The following DNAAF1 variants were observed in gnomAD, a reference collection of about 807,000 sequenced individuals.
DNAAF1 encodes the protein dynein assembly factor 1, axonemal.
A neutral mutation model predicts 71.1 loss-of-function variants in DNAAF1; 65 were observed. That is an observed-to-expected ratio of 0.91 (90% confidence interval 0.75 to 1.12). The LOEUF is 1.12. DNAAF1 is among the 50% of genes most tolerant of loss of function. DNAAF1 has a pLI of 0.00. For missense variants in DNAAF1, 1,178 were observed against 899.8 expected (o/e 1.31, Z -3.96); for synonymous variants, 414 against 354.6 (o/e 1.17, Z -1.88).
rs764624773 is a variant in DNAAF1, at chr16:84,177,829, G to A, written c.2166G>A (p.Pro722=). The A allele has an allele frequency of 2.2e-5, 35 of 1,613,480 alleles. No individual in the cohort carries two copies. In the African/African-American group the frequency reaches 2.5e-4, roughly 12 times the overall value. ...GGGACCTCACTGCATTCCCAGCACC[G>A]AAAGCATCATAGTTTTCCCCAGTTA... ...PTWDLTAFPA[P]KAS is the part of the protein sequence containing the mutation. Residue 722 remains proline (P), a synonymous_variant, in exon 12 of 12, where the codon CCG becomes CCA. Coordinates refer to ENST00000378553, the MANE Select transcript of DNAAF1 (RefSeq NM_178452.6).
intron 1 of DNAAF1, among the ~76,000 whole-genome samples, chr16:84,146,376 G>A (rs1354701285): frequency 1.3e-5 from 2 of 152,142 alleles, no homozygotes; most frequent in African/African-American, 2.4e-5. Flanking sequence ...TGGTTCTGGG[G>A]TCAGTGTGTG....
intron 4 of DNAAF1, among the ~76,000 whole-genome samples, chr16:84,155,195 A>G (rs530468591): frequency 1.3e-5 from 2 of 152,052 alleles, no homozygotes; most frequent in Non-Finnish European, 2.9e-5. Flanking sequence ...GGCGTGAGCC[A>G]CCATGCCCAG....
chr16:84,170,456 C>T (rs1356211357), intron 8 of DNAAF1, 100 bp downstream of exon 8: 6 of 1,559,020 alleles, frequency 3.8e-6, no homozygotes, highest in Non-Finnish European at 4.4e-6. Context: ...AGTTTCACTT[C>T]TTCTGTATTG....
At chr16:84,156,222 C>G (rs1057477045) in intron 5 of DNAAF1, among the ~76,000 whole-genome samples, 8 of 152,214 alleles carry the variant, frequency 5.3e-5, no homozygotes, top group African/African-American at 1.9e-4. Context: ...CTCAACCTCC[C>G]AAAGTGCTGG....
intron 7 of DNAAF1, among the ~76,000 whole-genome samples, chr16:84,167,014 A>C (rs1019744700): frequency 6.6e-6 from 1 of 152,022 alleles, no homozygotes; most frequent in Non-Finnish European, 1.5e-5. Context: ...GTGATGGGCA[A>C]TGGTCTCGCA....
At chr16:84,166,370 C>CTTTTT (rs535417461) in intron 7 of DNAAF1, among the ~76,000 whole-genome samples, 94 of 118,752 alleles carry the variant, frequency 7.9e-4, no homozygotes, top group Non-Finnish European at 9.1e-4. Context: ...TTCTTTTTTT[C>CTTTTT]TTTTTTTTTT....
At chr16:84,164,355 C>G (rs150134444) in intron 6 of DNAAF1, among the ~76,000 whole-genome samples, 31 of 152,300 alleles carry the variant, frequency 2.0e-4, no homozygotes, top group African/African-American at 7.5e-4. Context: ...CCTGTATCCC[C>G]CATCACAGTA....
At chr16:84,176,340 G>C (rs910159984) in intron 11 of DNAAF1, 41 bp downstream of exon 11, 4 of 1,611,860 alleles carry the variant, frequency 2.5e-6, no homozygotes, top group South Asian at 1.1e-5. Flanking sequence ...GACAATGTTG[G>C]CTCCCCGGCC....
rs4150187 is a variant in DNAAF1, at chr16:84,177,797, C to G, written c.2134C>G (p.Pro712Ala). 2,189 of 1,614,022 alleles carry G rather than the reference C, an allele frequency of 1.4e-3. 25 individuals are homozygous for G. The African/African-American group carries it at 0.021, about 16-fold the overall frequency. Residue 712 changes from proline to alanine, a missense_variant, in exon 12 of 12, where the codon CCC (proline) becomes GCC (alanine). Pro to Ala is a conservative substitution (Grantham distance 27). Coordinates refer to ENST00000378553, the MANE Select transcript of DNAAF1 (RefSeq NM_178452.6). ...VGVAQPSQAL[P>A]TWDLTAFPAP... Reference sequence around the variant, plus strand: ...AGTTGCCCAGCCCAGCCAAGCTCTGCCCACGTGGGACCTCACTGCATTCCC... The same window carrying G: ...AGTTGCCCAGCCCAGCCAAGCTCTGGCCACGTGGGACCTCACTGCATTCCC...
chr16:84,159,187 G>A lies in DNAAF1; in HGVS notation c.742-488G>A, dbSNP rs183577826. ...AGCTGTAAGCCGAGGAAGAAGGGCC[G>A]TCCATCCTGCGGCACTCAGCAGAGG... On this transcript the variant is annotated intron_variant, in intron 5 of 11. Transcript: ENST00000378553. The A allele has an allele frequency of 1.9e-3, 1,864 of 1,000,552 alleles. 1 individual carries two copies. The highest frequency in any genetic ancestry group is 2.1e-3 in the Non-Finnish European group (1,743 of 838,886). 62.0% of individuals were successfully genotyped at this position (1,000,552 alleles called of 1,614,324 possible). A position where few individuals can be genotyped will look rare whatever the true frequency, so the allele number is the denominator to read the frequency against.
intron 1 of DNAAF1, among the ~76,000 whole-genome samples, chr16:84,147,394 G>A (rs1400195283): frequency 1.3e-5 from 2 of 152,156 alleles, no homozygotes; most frequent in African/African-American, 4.8e-5. Context: ...AAAGTTAAGT[G>A]CGGTTGAATT....
chr16:84,155,780 G>C lies in DNAAF1; in HGVS notation c.741+31G>C, dbSNP rs377318325. ...AAACAAAAACAAAAACAACGAAAAA[G>C]CACCACAGGAAACCGCTTCTATTAT... is the stretch of plus-strand genomic sequence containing the variant. On this transcript the variant is annotated intron_variant, in intron 5 of 11. Coordinates refer to ENST00000378553, the MANE Select transcript of DNAAF1 (RefSeq NM_178452.6). The C allele has an allele frequency of 3.1e-6, 5 of 1,612,514 alleles. No homozygotes were observed. The African/African-American group carries it at 6.7e-5, about 22-fold the overall frequency.
At chr16:84,148,125 C>T (rs1320991727) in intron 1 of DNAAF1, among the ~76,000 whole-genome samples, 1 of 152,070 alleles carries the variant, frequency 6.6e-6, no homozygotes, top group Non-Finnish European at 1.5e-5. Context: ...CTCCCCTGTA[C>T]CCCACCCCGT....
intron 6 of DNAAF1, among the ~76,000 whole-genome samples, chr16:84,164,440 A>G (rs902089492): frequency 6.6e-6 from 1 of 152,010 alleles, no homozygotes; most frequent in Non-Finnish European, 1.5e-5. Context: ...CTCAGCCCCA[A>G]CTTCTGGCAA....
intron 5 of DNAAF1, among the ~76,000 whole-genome samples, chr16:84,156,264 C>G (rs191084838): frequency 6.6e-6 from 1 of 152,208 alleles, no homozygotes. Flanking sequence ...TGCCCAACCA[C>G]CACTCAATTA....
In DNAAF1 at chr16:84,155,713, G is replaced by T; in HGVS notation, c.705G>T (p.Pro235=). The T allele has an allele frequency of 6.2e-7, 1 of 1,614,072 alleles. No individual in the cohort carries two copies. Among genetic ancestry groups the T allele is most frequent in the African/African-American group, 1.3e-5 (1 of 74,990 alleles). ...LDLSHNKLSD[P]EILSILESMP... is the part of the protein sequence containing the mutation. ...TTTCGCACAACAAGCTGAGTGACCC[G>T]GAGATCCTGAGCATTCTGGAAAGCA... Residue 235 remains proline, a synonymous_variant, in exon 5 of 12, where the codon CCG becomes CCT. Coordinates refer to ENST00000378553, the MANE Select transcript of DNAAF1 (RefSeq NM_178452.6).
intron 3 of DNAAF1, among the ~76,000 whole-genome samples, chr16:84,154,197 A>G (rs2151219072): frequency 6.6e-6 from 1 of 152,308 alleles, no homozygotes; most frequent in Non-Finnish European, 1.5e-5. Context: ...GACAACAAAA[A>G]TGTATTTCTC....
rs777599188 is a variant in DNAAF1 at position 84,145,601 on chromosome 16, G to T, written c.124+37G>T. On this transcript the variant is annotated intron_variant, in intron 1 of 11. Coordinates refer to ENST00000378553, the MANE Select transcript of DNAAF1 (RefSeq NM_178452.6). Reference sequence around the variant, plus strand: ...CCCCCAGGGAGGGCGGTGGGCGAGGGGCAGACACGGCTAGGCGCTCCAGCC... The same window carrying T: ...CCCCCAGGGAGGGCGGTGGGCGAGGTGCAGACACGGCTAGGCGCTCCAGCC... 3.9e-6 allele frequency: 6 copies of T among 1,539,580 alleles called. No individual in the cohort carries two copies. In the African/African-American group the frequency reaches 6.9e-5, roughly 18 times the overall value.
intron 10 of DNAAF1, 130 bp from the exon 11 acceptor site, chr16:84,175,803 G>C: frequency 8.4e-7 from 1 of 1,195,016 alleles, no homozygotes; most frequent in Non-Finnish European, 1.2e-6. Flanking sequence ...GTGTTCCCTT[G>C]GGCCTTTCTT....
Sources: allele counts gnomAD v4.1 joint callset (sites outside exome capture counted in the v4.1 genomes callset), GRCh38; gene constraint gnomAD v4.1.1; transcripts MANE v1.5; gene names NCBI Gene and HGNC (gene_info 2026-07-23, HGNC 2026-07-21).